Variants in MCC observed in about 807,000 individuals in gnomAD.
MCC encodes colorectal mutant cancer protein.
In MCC, 90 loss-of-function variants were observed where a neutral mutation model predicts 116.2. The observed-to-expected ratio is 0.77, with a 90% CI of 0.65 to 0.92. The LOEUF is 0.92. Ranked by LOEUF, MCC falls within the 40% of genes least tolerant of loss-of-function variation. The pLI is 0.00. For missense variants in MCC, 1,516 were observed against 1,312.2 expected, an observed-to-expected ratio of 1.16 and a Z score of -2.40; for synonymous variants, 578 against 510.5, an observed-to-expected ratio of 1.13 and a Z score of -1.78.
rs1750361409 is a variant in MCC at position 113,024,114 on chromosome 5, T to A, written c.*3188A>T. The A allele has an allele frequency of 6.6e-6, 1 of 152,152 alleles. No individual in the cohort carries two copies. Among genetic ancestry groups the A allele is most frequent in the South Asian group, 2.1e-4 (1 of 4,836 alleles). 9.4% of individuals were successfully genotyped at this position (152,152 alleles called of 1,614,324 possible). On this transcript the variant is annotated 3_prime_UTR_variant, in exon 19 of 19. Coordinates refer to ENST00000408903, the MANE Select transcript of MCC (RefSeq NM_001085377.2). ...CTCTAATTTGGACTTCCTTTTGGAG[T>A]AGAATGTCAAGGCTCTGACTTAGAA... is the stretch of plus-strand genomic sequence containing the variant.
chr5:113,152,787 A>G (rs924356086), intron 3 of MCC, among the ~76,000 whole-genome samples: 4 of 152,162 alleles, frequency 2.6e-5, no homozygotes, highest in Non-Finnish European at 5.9e-5. Context: ...ACTTAATCGC[A>G]TCGGAGCAGC....
At chr5:113,186,434 A>T (rs1761901757) in intron 3 of MCC, among the ~76,000 whole-genome samples, 1 of 152,188 alleles carries the variant, frequency 6.6e-6, no homozygotes, top group Non-Finnish European at 1.5e-5. Context: ...CCATGGCGAC[A>T]ATGAACTAGA....
chr5:113,161,693 G>C (rs1191076748), intron 3 of MCC, among the ~76,000 whole-genome samples: 2 of 150,558 alleles, frequency 1.3e-5, no homozygotes, highest in Non-Finnish European at 3.0e-5. Context: ...CATACACACA[G>C]ACATGCAATT....
rs547637883 is a variant in MCC at position 113,379,692 on chromosome 5, T to G, written c.415+5276A>C. ...GCTGATGTCTAAAACACATAAAAAT[T>G]TAAAAATATTGTTTCTGGGATGGCT... is the stretch of plus-strand genomic sequence containing the variant. On this transcript the variant is annotated intron_variant, in intron 2 of 18. Coordinates refer to ENST00000408903, the MANE Select transcript of MCC (RefSeq NM_001085377.2). Among the ~76,000 whole-genome samples the G allele has an allele frequency of 3.2e-4, 48 of 152,302 alleles. No individual in the cohort carries two copies. In the South Asian group the frequency reaches 8.1e-3, roughly 26 times the overall value.
intron 3 of MCC, among the ~76,000 whole-genome samples, chr5:113,154,372 C>T (rs1581168608): frequency 6.6e-6 from 1 of 152,186 alleles, no homozygotes; most frequent in African/African-American, 2.4e-5. Flanking sequence ...CTAGAGAGAG[C>T]AGAAGTTGGA....
At chr5:113,116,759 G>A (rs1251823891) in intron 6 of MCC, among the ~76,000 whole-genome samples, 1 of 152,138 alleles carries the variant, frequency 6.6e-6, no homozygotes, top group Non-Finnish European at 1.5e-5. Flanking sequence ...ACTTCAGGGG[G>A]TTCTCCTCAG....
intron 3 of MCC, among the ~76,000 whole-genome samples, chr5:113,216,488 C>G (rs1763320653): frequency 6.6e-6 from 1 of 152,112 alleles, no homozygotes; most frequent in African/African-American, 2.4e-5. Flanking sequence ...TTTTGTCTTC[C>G]CCAACAGACG....
rs577730211 is a variant in MCC, at chr5:113,430,577, G to T, written c.171-45365C>A. Reference sequence around the variant, plus strand: ...AGTAAACAGGAAGGACAATTCCTCAGGACAGTTGCTCAGGGTGAGGATTTG... The same window carrying T: ...AGTAAACAGGAAGGACAATTCCTCATGACAGTTGCTCAGGGTGAGGATTTG... On this transcript the variant is annotated intron_variant, in intron 1 of 18. Coordinates refer to ENST00000408903, the MANE Select transcript of MCC (RefSeq NM_001085377.2). Among the ~76,000 whole-genome samples the T allele has an allele frequency of 1.4e-4, 22 of 152,182 alleles. No individual in the cohort carries two copies. The South Asian group carries it at 1.7e-3, about 11-fold the overall frequency.
intron 3 of MCC, among the ~76,000 whole-genome samples, chr5:113,270,105 C>A (rs941652932): frequency 1.3e-5 from 2 of 152,054 alleles, no homozygotes; most frequent in Admixed American, 6.5e-5. Context: ...GAAAAGGGTA[C>A]CTACAGGAGG....
chr5:113,406,149 T>C (rs1769827896), intron 1 of MCC, among the ~76,000 whole-genome samples: 1 of 152,196 alleles, frequency 6.6e-6, no homozygotes, highest in South Asian at 2.1e-4. Context: ...TTGCCTGCAC[T>C]ATTGAATGTG....
chr5:113,140,261 A>G (rs899725306), intron 5 of MCC, among the ~76,000 whole-genome samples: 6 of 152,176 alleles, frequency 3.9e-5, no homozygotes, highest in Non-Finnish European at 7.3e-5. Context: ...ACCTGGGATG[A>G]AATAGTTACA....
chr5:113,364,238 G>GAAAAAAAAAAAAAAAAAAAAAAAAAAA (rs60976854), intron 2 of MCC, among the ~76,000 whole-genome samples: 3 of 49,422 alleles, frequency 6.1e-5, no homozygotes, highest in East Asian at 8.2e-4. Context: ...CTCAAAAACA[G>GAAAAAAAAAAAAAAAAAAAAAAAAAAA]AAAAAAAAAA....
At chr5:113,218,027 G>C (rs1763390702) in intron 3 of MCC, among the ~76,000 whole-genome samples, 1 of 150,508 alleles carries the variant, frequency 6.6e-6, no homozygotes, top group African/African-American at 2.4e-5. Context: ...AAATAGTTTA[G>C]TTTAGAAAGA....
At chr5:113,043,007 A>G (rs1188605064) in intron 17 of MCC, among the ~76,000 whole-genome samples, 2 of 152,200 alleles carry the variant, frequency 1.3e-5, no homozygotes, top group Non-Finnish European at 2.9e-5. Context: ...AGGTATGAAA[A>G]GTGGAGATAC....
In MCC at chr5:113,024,099, G is replaced by C. The variant is rs1177500747; in HGVS notation, c.*3203C>G. The stretch of plus-strand genomic sequence containing the variant: ...GAAAAAGCCTATGGGCTCTAATTTG[G>C]ACTTCCTTTTGGAGTAGAATGTCAA... On this transcript the variant is annotated 3_prime_UTR_variant, in exon 19 of 19. Coordinates refer to ENST00000408903, the MANE Select transcript of MCC (RefSeq NM_001085377.2). The C allele has an allele frequency of 6.6e-6, 1 of 152,162 alleles. No homozygotes were observed. The highest frequency in any genetic ancestry group is 1.5e-5 in the Non-Finnish European group (1 of 68,046). The allele number at this position is 152,162 out of a possible 1,614,324, so 9.4% of individuals were successfully genotyped here. A position where few individuals can be genotyped will look rare whatever the true frequency, so the allele number is the denominator to read the frequency against.
At chr5:113,353,470 C>G (rs1340780712) in intron 2 of MCC, among the ~76,000 whole-genome samples, 2 of 152,178 alleles carry the variant, frequency 1.3e-5, no homozygotes, top group African/African-American at 4.8e-5. Flanking sequence ...ATTTAAACCT[C>G]TCTCTTTATG....
At chr5:113,303,256 A>G (rs1014207537) in intron 3 of MCC, among the ~76,000 whole-genome samples, 1 of 152,182 alleles carries the variant, frequency 6.6e-6, no homozygotes, top group African/African-American at 2.4e-5. Flanking sequence ...GTTGATGTTG[A>G]AGGTCATGAG....
Position 113,488,351 on chromosome 5 carries a change from T to C in MCC, c.64A>G (p.Ser22Gly), listed in dbSNP as rs866497026. 3.4e-3 allele frequency: 4,981 copies of C among 1,455,098 alleles called. 13 individuals carry two copies. Among genetic ancestry groups the C allele is most frequent in the African/African-American group, 4.3e-3 (290 of 68,174 alleles). The allele number at this position is 1,455,098 out of a possible 1,614,324, so 90.1% of individuals were successfully genotyped here. The change falls in exon 1 of 19, where the codon AGC becomes GGC. Residue 22 changes from serine (S) to glycine (G), a missense_variant. Transcript: ENST00000408903. ...SSSSGGGGGGSGSSSSSSDTS... is the reference protein window; with the variant it reads ...SSSSGGGGGGGGSSSSSSDTS... ...TCGCTGCTGCTGCTGCTGCTGCCGC[T>C]GCCGCCGCCGCCGCCGCCGCTGCTG... is the stretch of plus-strand genomic sequence containing the variant.
At chr5:113,380,380 C>T (rs547781107) in intron 2 of MCC, among the ~76,000 whole-genome samples, 50 of 152,208 alleles carry the variant, frequency 3.3e-4, no homozygotes, top group Non-Finnish European at 5.9e-4. Flanking sequence ...TACTTTAAAG[C>T]TTATTGTCAC....
Sources: allele counts gnomAD v4.1 joint callset (sites outside exome capture counted in the v4.1 genomes callset), GRCh38; gene constraint gnomAD v4.1.1; transcripts MANE v1.5; gene names NCBI Gene and HGNC (gene_info 2026-07-23, HGNC 2026-07-21).